The following PEBP4 variants were observed in gnomAD, a reference collection of about 807,000 sequenced individuals.
PEBP4 encodes phosphatidylethanolamine binding protein 4.
Under a neutral mutation model 23.9 loss-of-function variants are expected in PEBP4, and 22 were observed. The observed-to-expected ratio is 0.92, with a 90% CI of 0.66 to 1.31. The LOEUF (loss-of-function observed/expected upper bound fraction) is 1.31, where lower values mean the gene tolerates loss of function less well. PEBP4 is among the 40% of genes most tolerant of loss of function. The probability of loss-of-function intolerance (pLI) is 0.00; values close to 1 mark genes in which losing one functional copy is unlikely to be tolerated. For missense variants in PEBP4, 324 were observed against 281.7 expected (o/e 1.15, Z -1.07); for synonymous variants, 112 against 99.3 (o/e 1.13, Z -0.76).
At chr8:22,918,918 A>C (rs1301390209) in intron 3 of PEBP4, among the ~76,000 whole-genome samples, 4 of 132,256 alleles carry the variant, frequency 3.0e-5, no homozygotes, top group Admixed American at 7.6e-5. Context: ...TGTGCATGCA[A>C]GTGTGTGTGT....
At chr8:22,827,314 G>A (rs185426232) in intron 3 of PEBP4, among the ~76,000 whole-genome samples, 37 of 152,160 alleles carry the variant, frequency 2.4e-4, no homozygotes, top group East Asian at 1.9e-3. Context: ...ACAAAGTTGC[G>A]CAACGATCAC....
intron 3 of PEBP4, among the ~76,000 whole-genome samples, chr8:22,868,143 A>G (rs1466631864): frequency 6.6e-6 from 1 of 152,164 alleles, no homozygotes; most frequent in Non-Finnish European, 1.5e-5. Flanking sequence ...TAGAGAGGGA[A>G]GACAGACCAT....
intron 6 of PEBP4, among the ~76,000 whole-genome samples, chr8:22,722,147 A>C (rs1804532013): frequency 1.3e-5 from 2 of 151,514 alleles, no homozygotes; most frequent in African/African-American, 4.9e-5. Flanking sequence ...ACTTCTGAGA[A>C]CCTTGTTTTT....
intron 3 of PEBP4, among the ~76,000 whole-genome samples, chr8:22,902,204 C>T (rs1282304924): frequency 6.6e-6 from 1 of 152,162 alleles, no homozygotes; most frequent in Non-Finnish European, 1.5e-5. Flanking sequence ...TGGTGCACGC[C>T]TGTAATCCCA....
chr8:22,786,246 G>T (rs1423151728), intron 4 of PEBP4, among the ~76,000 whole-genome samples: 1 of 152,096 alleles, frequency 6.6e-6, no homozygotes, highest in Non-Finnish European at 1.5e-5. Flanking sequence ...GGGACCTCTG[G>T]TAATAGGCTA....
At chr8:22,918,335 G>A (rs561309345) in intron 3 of PEBP4, among the ~76,000 whole-genome samples, 12 of 152,218 alleles carry the variant, frequency 7.9e-5, no homozygotes, top group African/African-American at 2.9e-4. Context: ...CTTGACCACA[G>A]CTCTGTGTTC....
At chr8:22,768,030 C>T (rs185839447) in intron 4 of PEBP4, among the ~76,000 whole-genome samples, 2 of 152,246 alleles carry the variant, frequency 1.3e-5, no homozygotes, top group South Asian at 2.1e-4. Flanking sequence ...CCACTGTGCC[C>T]GGCCTATAAA....
intron 4 of PEBP4, chr8:22,747,583 T>G: frequency 8.6e-6 from 1 of 116,376 alleles, no homozygotes; most frequent in Non-Finnish European, 1.7e-5. Flanking sequence ...GAGTGGGGTG[T>G]GCATGGGTGT....
chr8:22,860,041 C>T (rs1585310750), intron 3 of PEBP4, among the ~76,000 whole-genome samples: 7 of 148,174 alleles, frequency 4.7e-5, no homozygotes, highest in Admixed American at 3.4e-4. Flanking sequence ...CTCTTGAGCC[C>T]AGCAGTCAAG....
upstream of PEBP4, among the ~76,000 whole-genome samples, chr8:22,931,005 T>A (rs1253705143): frequency 2.0e-5 from 3 of 152,134 alleles, no homozygotes; most frequent in Non-Finnish European, 2.9e-5. Context: ...GCTACTGGGA[T>A]CTGTTGGACC....
chr8:22,788,887 T>C (rs1806081030), intron 4 of PEBP4, among the ~76,000 whole-genome samples: 3 of 152,168 alleles, frequency 2.0e-5, no homozygotes, highest in Admixed American at 1.3e-4. Context: ...AAAAAGCAGA[T>C]ACAACCTAAT....
At chr8:22,803,876 G>T (rs1386031644) in intron 4 of PEBP4, among the ~76,000 whole-genome samples, 1 of 152,110 alleles carries the variant, frequency 6.6e-6, no homozygotes, top group Admixed American at 6.6e-5. Context: ...GGCACGTCCT[G>T]TTGGCTCTCA....
chr8:22,921,107 G>C (rs192412159), intron 2 of PEBP4, among the ~76,000 whole-genome samples: 1 of 152,376 alleles, frequency 6.6e-6, no homozygotes, highest in Admixed American at 6.5e-5. Context: ...GCACCAGGCT[G>C]GCTGTAAGTG....
At chr8:22,939,586 G>A (rs6999355) in intron 1 of PEBP4, among the ~76,000 whole-genome samples, 1 of 151,718 alleles carries the variant, frequency 6.6e-6, no homozygotes, top group Admixed American at 6.6e-5. Flanking sequence ...AATGAGGAAT[G>A]CTCTGTTACA....
At chr8:22,885,075 T>C (rs1216563829) in intron 3 of PEBP4, 1 of 152,204 alleles carries the variant, frequency 6.6e-6, no homozygotes, top group Non-Finnish European at 1.5e-5. Flanking sequence ...AGAAGCTTTT[T>C]GCACCAAGTG....
chr8:22,843,892 C>T (rs193129739), intron 3 of PEBP4, among the ~76,000 whole-genome samples: 13 of 152,306 alleles, frequency 8.5e-5, no homozygotes, highest in African/African-American at 2.2e-4. Context: ...TCTCCTCTGA[C>T]GGCTCTGAAG....
intron 4 of PEBP4, among the ~76,000 whole-genome samples, chr8:22,783,675 T>G (rs760894592): frequency 2.0e-5 from 3 of 152,162 alleles, no homozygotes; most frequent in Non-Finnish European, 4.4e-5. Flanking sequence ...TTGGTTTTTG[T>G]TTTGTTTTGT....
intron 3 of PEBP4, among the ~76,000 whole-genome samples, chr8:22,861,180 C>T (rs137958858): frequency 1.3e-5 from 2 of 152,270 alleles, no homozygotes; most frequent in Non-Finnish European, 2.9e-5. Context: ...GTTTTGATTC[C>T]AAGCCTTCAC....
At chr8:22,788,155 G>A (rs1375319430) in intron 4 of PEBP4, among the ~76,000 whole-genome samples, 4 of 152,140 alleles carry the variant, frequency 2.6e-5, no homozygotes, top group Admixed American at 2.0e-4. Context: ...ACCTGGGAAG[G>A]ATGTTGAGAA....
Sources: allele counts gnomAD v4.1 joint callset (sites outside exome capture counted in the v4.1 genomes callset), GRCh38; gene constraint gnomAD v4.1.1; transcripts MANE v1.5; gene names NCBI Gene and HGNC (gene_info 2026-07-23, HGNC 2026-07-21).